The following DCDC1 variants were observed in gnomAD, a reference collection of about 807,000 sequenced individuals.
DCDC1 encodes doublecortin domain-containing protein 1.
Under a neutral mutation model 178.3 loss-of-function variants are expected in DCDC1, and 200 were observed. The ratio of observed to expected loss-of-function variants is 1.12; its 90% CI spans 1.00 to 1.26. The LOEUF is 1.26. DCDC1 is among the 50% of genes most tolerant of loss of function. DCDC1 has a pLI of 0.00. For missense variants in DCDC1, 1,983 were observed against 1,749.2 expected, an observed-to-expected ratio of 1.13 and a Z score of -2.38; for synonymous variants, 690 against 604.8, an observed-to-expected ratio of 1.14 and a Z score of -2.07.
intron 9 of DCDC1, among the ~76,000 whole-genome samples, chr11:31,142,839 T>C (rs1012668446): frequency 1.3e-5 from 2 of 149,266 alleles, no homozygotes; most frequent in Admixed American, 1.3e-4. Flanking sequence ...ATAAATGGTC[T>C]TTTTTTTTGT....
intron 7 of DCDC1, among the ~76,000 whole-genome samples, chr11:31,276,015 A>G (rs961746146): frequency 2.0e-5 from 3 of 152,222 alleles, no homozygotes; most frequent in Non-Finnish European, 4.4e-5. Context: ...CAAACTCCAG[A>G]AAACTGTAGC....
chr11:31,221,607 C>T (rs989643423), intron 9 of DCDC1, among the ~76,000 whole-genome samples: 7 of 152,168 alleles, frequency 4.6e-5, no homozygotes, highest in Non-Finnish European at 2.9e-5. Flanking sequence ...TTCTGTCCCA[C>T]TTTCTCTGTT....
intron 6 of DCDC1, among the ~76,000 whole-genome samples, chr11:31,299,018 C>T (rs1373663945): frequency 6.6e-6 from 1 of 152,196 alleles, no homozygotes; most frequent in Non-Finnish European, 1.5e-5. Flanking sequence ...TTATAAAATA[C>T]AAATGCTCCG....
intron 25 of DCDC1, 47 bp from the exon 26 acceptor site, chr11:30,917,075 G>A: frequency 6.5e-7 from 1 of 1,535,046 alleles, no homozygotes; most frequent in Non-Finnish European, 8.7e-7. Flanking sequence ...TCTCATTCGT[G>A]TTCACAGAAT....
chr11:30,915,800 G>A, intron 26 of DCDC1, 89 bp from the exon 27 acceptor site: 1 of 1,368,824 alleles, frequency 7.3e-7, no homozygotes, highest in Non-Finnish European at 1.0e-6. Flanking sequence ...AAGTTCTGTT[G>A]GTGAGAGCTC....
At chr11:31,315,336 G>C (rs74537896) in intron 3 of DCDC1, among the ~76,000 whole-genome samples, 5 of 18,746 alleles carry the variant, frequency 2.7e-4, no homozygotes, top group Non-Finnish European at 7.5e-4. Context: ...TTTTTTTTTT[G>C]AGACAGAGTC....
At chr11:30,992,715 T>C (rs141424284) in intron 20 of DCDC1, 1 of 152,304 alleles carries the variant, frequency 6.6e-6, no homozygotes, top group Non-Finnish European at 1.5e-5. Context: ...TCAACCACTA[T>C]GTAAACTGAA....
chr11:31,349,017 A>G (rs531489478), intron 1 of DCDC1, among the ~76,000 whole-genome samples: 1 of 125,166 alleles, frequency 8.0e-6, no homozygotes, highest in East Asian at 2.0e-4. Context: ...TTTTATAAAA[A>G]TAATAGCTTA....
chr11:30,920,585 T>G (rs548834478), intron 25 of DCDC1, among the ~76,000 whole-genome samples, 191 bp downstream of exon 25: 1 of 152,208 alleles, frequency 6.6e-6, no homozygotes, highest in Non-Finnish European at 1.5e-5. Context: ...AATAGATCAC[T>G]GTGATGGTTG....
chr11:30,981,331 G>T (rs997430722), intron 20 of DCDC1, among the ~76,000 whole-genome samples: 1 of 152,006 alleles, frequency 6.6e-6, no homozygotes, highest in Non-Finnish European at 1.5e-5. Flanking sequence ...TGTACCCCAT[G>T]AATTAAAATA....
In DCDC1 at chr11:31,191,500, G is replaced by T. The variant is rs115873139; in HGVS notation, c.1221+49950C>A. On this transcript the variant is annotated intron_variant, in intron 9 of 38. Transcript: ENST00000684477. The stretch of plus-strand genomic sequence containing the variant: ...TCCACAGACAATATCAAAAGGTATG[G>T]AAAAGGTGGTAGAGATGAGCAGTAT... 6.0e-3 allele frequency among the ~76,000 whole-genome samples: 917 copies of T among 152,230 alleles called. 12 individuals are homozygous for T. Among genetic ancestry groups the T allele is most frequent in the African/African-American group, 0.021 (882 of 41,548 alleles).
chr11:31,046,306 A>G (rs1314094984), intron 20 of DCDC1, among the ~76,000 whole-genome samples: 2 of 152,124 alleles, frequency 1.3e-5, no homozygotes, highest in East Asian at 3.9e-4. Flanking sequence ...CTTAATGTTG[A>G]ATAGTATTCA....
At chr11:30,922,981 G>A (rs1946346088) in intron 23 of DCDC1, among the ~76,000 whole-genome samples, 1 of 151,516 alleles carries the variant, frequency 6.6e-6, no homozygotes. Flanking sequence ...AAAGAGGAAG[G>A]GAGTGAGGGA....
chr11:31,225,042 G>T (rs2136704528), intron 9 of DCDC1, among the ~76,000 whole-genome samples: 1 of 152,160 alleles, frequency 6.6e-6, no homozygotes, highest in East Asian at 1.9e-4. Flanking sequence ...GTCACTACGT[G>T]AAAAAGACAC....
At chr11:30,945,509 C>A (rs994589980) in intron 21 of DCDC1, among the ~76,000 whole-genome samples, 2 of 151,818 alleles carry the variant, frequency 1.3e-5, no homozygotes, top group African/African-American at 4.8e-5. Context: ...ATCTGACCAA[C>A]ATGGTGAAAC....
intron 7 of DCDC1, among the ~76,000 whole-genome samples, chr11:31,266,970 C>A (rs1565520221): frequency 6.6e-6 from 1 of 152,274 alleles, no homozygotes; most frequent in South Asian, 2.1e-4. Flanking sequence ...CTTTCTTGGG[C>A]TGTATGTACC....
chr11:30,959,300 T>C (rs1948951679), intron 20 of DCDC1, among the ~76,000 whole-genome samples: 1 of 152,048 alleles, frequency 6.6e-6, no homozygotes, highest in South Asian at 2.1e-4. Flanking sequence ...TTGTTAGAGG[T>C]GCAAGTGGAT....
chr11:30,914,358 G>A (rs116102306), intron 27 of DCDC1, among the ~76,000 whole-genome samples: 2,341 of 152,338 alleles, frequency 0.015, 65 homozygotes, highest in African/African-American at 0.053. Flanking sequence ...CGCTGCTGCC[G>A]CCTGCTGAAG....
At chr11:30,876,903 T>C (rs759871466) in intron 38 of DCDC1, among the ~76,000 whole-genome samples, 4 of 152,084 alleles carry the variant, frequency 2.6e-5, no homozygotes, top group Non-Finnish European at 4.4e-5. Context: ...GCAAGTTTCT[T>C]AACCCTTCTT....
Sources: gnomAD v4.1 joint callset for allele counts (sites outside exome capture counted in the v4.1 genomes callset) on GRCh38, gnomAD v4.1.1 for gene constraint, MANE v1.5 for transcripts, NCBI Gene and HGNC (gene_info 2026-07-23, HGNC 2026-07-21) for gene names.